Variants in OR10J1 observed in about 807,000 individuals in gnomAD.
OR10J1 encodes olfactory receptor 10J1.
For synonymous variants in OR10J1, 202 were observed against 143.8 expected (o/e 1.40, Z -2.89); for missense variants, 474 against 376.6 (o/e 1.26, Z -2.14).
upstream of OR10J1, among the ~76,000 whole-genome samples, chr1:159,438,747 C>T (rs1423001757): frequency 6.6e-6 from 1 of 152,150 alleles, no homozygotes; most frequent in East Asian, 1.9e-4. Context: ...TCTGAATATG[C>T]ATAAGCAAAT....
the OR10J1 span, among the ~76,000 whole-genome samples, chr1:159,414,627 A>G: frequency 6.6e-6 from 1 of 152,140 alleles, no homozygotes; most frequent in Non-Finnish European, 1.5e-5. Context: ...TTGCTGGATC[A>G]TATGGTAGTT....
At chr1:159,398,277 G>A in the OR10J1 span, among the ~76,000 whole-genome samples, 1 of 152,168 alleles carries the variant, frequency 6.6e-6, no homozygotes, top group South Asian at 2.1e-4. Context: ...CTCAAGGATG[G>A]CTGCAAATAA....
the OR10J1 span, among the ~76,000 whole-genome samples, chr1:159,409,756 G>C: frequency 1.3e-5 from 2 of 152,178 alleles, no homozygotes; most frequent in Admixed American, 6.6e-5. Context: ...TGGTGAGAGA[G>C]GGCATCCCTG....
At chr1:159,399,264 A>G in the OR10J1 span, among the ~76,000 whole-genome samples, 2 of 152,134 alleles carry the variant, frequency 1.3e-5, 1 homozygote, top group Admixed American at 1.3e-4. Flanking sequence ...TTTTATTAAT[A>G]CCAGGTCTGT....
At chr1:159,433,869 G>A (rs1240929363), upstream of OR10J1, among the ~76,000 whole-genome samples, 9 of 152,120 alleles carry the variant, frequency 5.9e-5, 1 homozygote, top group Admixed American at 5.9e-4. Flanking sequence ...CATAGTAGAT[G>A]TTAGATATTT....
upstream of OR10J1, chr1:159,433,147 C>A: frequency 2.5e-6 from 1 of 407,484 alleles, no homozygotes; most frequent in South Asian, 1.2e-4. Flanking sequence ...AGGTGCTGGT[C>A]AGTTCAATAA....
At chr1:159,427,467 AC>A in the OR10J1 span, among the ~76,000 whole-genome samples, 4 of 151,970 alleles carry the variant, frequency 2.6e-5, no homozygotes, top group Non-Finnish European at 5.9e-5. Context: ...GGATACAAGG[AC>A]AGATACGGAG....
the OR10J1 span, among the ~76,000 whole-genome samples, chr1:159,412,977 A>G: frequency 2.0e-5 from 3 of 152,132 alleles, no homozygotes; most frequent in Non-Finnish European, 4.4e-5. Flanking sequence ...CAATGAACTC[A>G]AACAAATTTA....
At chr1:159,421,309 A>AT in the OR10J1 span, among the ~76,000 whole-genome samples, 9 of 151,640 alleles carry the variant, frequency 5.9e-5, no homozygotes, top group South Asian at 1.0e-3. Context: ...TTTTTTTCTG[A>AT]TTTTTTATAT....
chr1:159,430,640 G>GGTGTGTGTGTGTGTGTGTGTGT, the OR10J1 span, among the ~76,000 whole-genome samples: 23 of 140,934 alleles, frequency 1.6e-4, no homozygotes, highest in Admixed American at 4.2e-4. Flanking sequence ...AAAAAATTAT[G>GGTGTGTGTGTGTGTGTGTGTGT]GTGTGTGTGT....
At chr1:159,435,169 A>T (rs1558008567), upstream of OR10J1, among the ~76,000 whole-genome samples, 1 of 152,142 alleles carries the variant, frequency 6.6e-6, no homozygotes, top group East Asian at 1.9e-4. Flanking sequence ...TTTCACTCCG[A>T]GTGTTCTTTT....
the OR10J1 span, among the ~76,000 whole-genome samples, chr1:159,419,533 C>G: frequency 6.6e-6 from 1 of 152,158 alleles, no homozygotes; most frequent in South Asian, 2.1e-4. Context: ...TCTATTAAAC[C>G]TCTTTTTCTT....
the OR10J1 span, among the ~76,000 whole-genome samples, chr1:159,410,356 A>G: frequency 3.3e-5 from 5 of 152,138 alleles, no homozygotes; most frequent in Non-Finnish European, 7.4e-5. Flanking sequence ...TAAGCTATTG[A>G]TTATTGCCAC....
At chr1:159,398,490 A>C in the OR10J1 span, among the ~76,000 whole-genome samples, 2,008 of 152,312 alleles carry the variant, frequency 0.013, 36 homozygotes, top group Non-Finnish European at 0.018. Flanking sequence ...TGTTGAGGAA[A>C]CTCAAGGAAA....
At chr1:159,423,958 T>G in the OR10J1 span, among the ~76,000 whole-genome samples, 10 of 152,118 alleles carry the variant, frequency 6.6e-5, no homozygotes, top group African/African-American at 2.2e-4. Flanking sequence ...ACACTACATC[T>G]GTAATCCCAG....
chr1:159,418,364 C>T, the OR10J1 span, among the ~76,000 whole-genome samples: 8 of 152,088 alleles, frequency 5.3e-5, no homozygotes, highest in African/African-American at 1.9e-4. Context: ...CTGTTATGCA[C>T]AGTCTATTGG....
chr1:159,440,628 C>T lies in OR10J1; in HGVS notation c.837C>T (p.Val279=). ...HDQLISVTYT[V]ITPLLNPVVY... ...AGCTGATCTCGGTGACCTACACTGT[C>T]ATCACTCCCCTACTGAACCCTGTGG... Residue 279 remains valine (V), a synonymous_variant, in exon 1 of 1, where the codon GTC becomes GTT. Coordinates refer to ENST00000423932, the MANE Select transcript of OR10J1 (RefSeq NM_012351.3). The T allele has an allele frequency of 6.2e-7, 1 of 1,613,810 alleles. No individual in the cohort carries two copies. Among genetic ancestry groups the T allele is most frequent in the East Asian group, 2.2e-5 (1 of 44,882 alleles).
upstream of OR10J1, among the ~76,000 whole-genome samples, chr1:159,436,178 T>C (rs985465984): frequency 2.0e-5 from 3 of 152,034 alleles, no homozygotes; most frequent in African/African-American, 4.8e-5. Context: ...TTGAGCTCTT[T>C]AGCCCAATTC....
the OR10J1 span, chr1:159,406,482 T>C: frequency 7.7e-6 from 2 of 259,198 alleles, no homozygotes; most frequent in East Asian, 9.1e-5. Context: ...ATTCCTTAGA[T>C]AATGTTCCAG....
Sources: allele counts gnomAD v4.1 joint callset (sites outside exome capture counted in the v4.1 genomes callset), GRCh38; gene constraint gnomAD v4.1.1; transcripts MANE v1.5; gene names NCBI Gene and HGNC (gene_info 2026-07-23, HGNC 2026-07-21).